IMMP2L: variants seen among roughly 807,000 people sequenced by gnomAD.
IMMP2L encodes the protein mitochondrial inner membrane protease subunit 2.
In IMMP2L, 18 loss-of-function variants were observed where a neutral mutation model predicts 19.3. The ratio of observed to expected loss-of-function variants is 0.93; its 90% CI spans 0.64 to 1.38. IMMP2L has a LOEUF of 1.38. Ranked by LOEUF, IMMP2L falls within the 40% of genes most tolerant of loss-of-function variation. The probability of loss-of-function intolerance (pLI) is 0.00; values close to 1 mark genes in which losing one functional copy is unlikely to be tolerated. For synonymous variants in IMMP2L, 76 were observed against 73.0 expected (o/e 1.04, Z -0.21); for missense variants, 233 against 218.2 (o/e 1.07, Z -0.43).
chr7:110,791,098 A>C (rs2131147467), intron 5 of IMMP2L, among the ~76,000 whole-genome samples: 1 of 151,768 alleles, frequency 6.6e-6, no homozygotes, highest in African/African-American at 2.4e-5. Flanking sequence ...GGAAAAAATC[A>C]CACTAAAAAT....
chr7:111,348,156 G>A (rs1776898263), intron 3 of IMMP2L, among the ~76,000 whole-genome samples: 2 of 102,258 alleles, frequency 2.0e-5, no homozygotes, highest in Admixed American at 2.6e-4. Flanking sequence ...GGGGAGGGGG[G>A]AGGGATAGCA....
intron 5 of IMMP2L, among the ~76,000 whole-genome samples, chr7:110,721,023 A>G (rs1795532707): frequency 6.7e-6 from 1 of 150,140 alleles, no homozygotes; most frequent in Non-Finnish European, 1.5e-5. Context: ...AATATTCAAT[A>G]TATAAAAATA....
intron 2 of IMMP2L, among the ~76,000 whole-genome samples, chr7:111,490,273 G>GT (rs561658962): frequency 0.021 from 2,986 of 143,824 alleles, 106 homozygotes; most frequent in African/African-American, 0.072. Flanking sequence ...GCTAAGTCGG[G>GT]TTTTTTTTTT....
At chr7:111,330,530 A>G in intron 3 of IMMP2L, among the ~76,000 whole-genome samples, 1 of 151,774 alleles carries the variant, frequency 6.6e-6, no homozygotes, top group East Asian at 1.9e-4. Context: ...ACTTGTAACA[A>G]TCAACTCAGA....
At chr7:111,010,061 T>C (rs1824772266) in intron 3 of IMMP2L, among the ~76,000 whole-genome samples, 1 of 152,146 alleles carries the variant, frequency 6.6e-6, no homozygotes, top group Non-Finnish European at 1.5e-5. Flanking sequence ...TTCAACTATA[T>C]CAGCATATCT....
chr7:111,016,607 A>G (rs1405669769), intron 3 of IMMP2L, among the ~76,000 whole-genome samples: 1 of 110,204 alleles, frequency 9.1e-6, no homozygotes, highest in Admixed American at 1.2e-4. Flanking sequence ...ACTATATATT[A>G]TATATAATAT....
At chr7:111,263,594 A>AAATACCCG in intron 3 of IMMP2L, among the ~76,000 whole-genome samples, 1 of 152,152 alleles carries the variant, frequency 6.6e-6, no homozygotes, top group African/African-American at 2.4e-5. Flanking sequence ...GAAGTCTGGG[A>AAATACCCG]TAGACAGATA....
chr7:110,988,003 G>T (rs1337911593), intron 3 of IMMP2L, among the ~76,000 whole-genome samples: 3 of 152,108 alleles, frequency 2.0e-5, no homozygotes, highest in Non-Finnish European at 4.4e-5. Context: ...AACAAATGGA[G>T]AAAGGAAAAA....
intron 3 of IMMP2L, among the ~76,000 whole-genome samples, chr7:111,475,635 C>G (rs556550104): frequency 6.6e-6 from 1 of 151,996 alleles, no homozygotes; most frequent in South Asian, 2.1e-4. Flanking sequence ...ATAACCAGAA[C>G]AAAATTAACC....
intron 3 of IMMP2L, among the ~76,000 whole-genome samples, chr7:111,362,391 G>A (rs1289872652): frequency 6.6e-6 from 1 of 151,910 alleles, no homozygotes; most frequent in Non-Finnish European, 1.5e-5. Context: ...TAATGAGAAG[G>A]GCTAGATTTT....
At chr7:110,691,324 T>G (rs1427439485) in intron 5 of IMMP2L, among the ~76,000 whole-genome samples, 2 of 152,104 alleles carry the variant, frequency 1.3e-5, no homozygotes, top group African/African-American at 4.8e-5. Context: ...AAACTCAAGA[T>G]GGACTAAAGA....
At chr7:111,312,491 G>C (rs928399423) in intron 3 of IMMP2L, among the ~76,000 whole-genome samples, 1 of 152,068 alleles carries the variant, frequency 6.6e-6, no homozygotes, top group African/African-American at 2.4e-5. Context: ...AGTGGGAGTG[G>C]GGAGGGGATC....
chr7:111,323,567 G>A (rs1472600825), intron 3 of IMMP2L, among the ~76,000 whole-genome samples: 1 of 152,114 alleles, frequency 6.6e-6, no homozygotes, highest in Non-Finnish European at 1.5e-5. Flanking sequence ...TTCAACCATT[G>A]TGGAAGTCAG....
At chr7:111,003,239 T>A (rs1157939137) in intron 3 of IMMP2L, among the ~76,000 whole-genome samples, 1 of 152,198 alleles carries the variant, frequency 6.6e-6, no homozygotes, top group Non-Finnish European at 1.5e-5. Flanking sequence ...TAAGTGGAGA[T>A]AATATTTACC....
chr7:111,044,756 T>A (rs891513128), intron 3 of IMMP2L, among the ~76,000 whole-genome samples: 1 of 152,130 alleles, frequency 6.6e-6, no homozygotes, highest in Admixed American at 6.5e-5. Flanking sequence ...AATTTGATAC[T>A]TTTTTTATCC....
Position 111,385,933 on chromosome 7 carries a change from T to A in IMMP2L, c.239+101305A>T, listed in dbSNP as rs79995109. 2.6e-5 allele frequency among the ~76,000 whole-genome samples: 4 copies of A among 152,058 alleles called. No individual in the cohort carries two copies. In the South Asian group the frequency reaches 8.3e-4, roughly 32 times the overall value. On this transcript the variant is annotated intron_variant, in intron 3 of 5. Coordinates refer to ENST00000405709, the MANE Select transcript of IMMP2L (RefSeq NM_032549.4). ...ATTGCTCCACATGAATTTTTTTTTT[T>A]AATAGAGGCAGGGTCTTACTCTGTC...
chr7:110,927,097 G>A (rs143266789), intron 4 of IMMP2L, among the ~76,000 whole-genome samples: 91 of 152,060 alleles, frequency 6.0e-4, no homozygotes, highest in Non-Finnish European at 1.1e-3. Context: ...ATTTATTTCT[G>A]CCTGTTGATT....
At chr7:111,282,310 A>C (rs1440026650) in intron 3 of IMMP2L, among the ~76,000 whole-genome samples, 1 of 152,212 alleles carries the variant, frequency 6.6e-6, no homozygotes, top group Non-Finnish European at 1.5e-5. Flanking sequence ...CAAATGAAGA[A>C]ATATCTGTTC....
intron 3 of IMMP2L, among the ~76,000 whole-genome samples, chr7:111,243,440 G>A (rs1314882662): frequency 6.6e-6 from 1 of 150,780 alleles, no homozygotes; most frequent in Non-Finnish European, 1.5e-5. Context: ...AGTCCTTCAT[G>A]TTTTACATAT....
Sources: allele counts gnomAD v4.1 joint callset (sites outside exome capture counted in the v4.1 genomes callset), GRCh38; gene constraint gnomAD v4.1.1; transcripts MANE v1.5; gene names NCBI Gene and HGNC (gene_info 2026-07-23, HGNC 2026-07-21).